CFAP61: variants seen among roughly 807,000 people sequenced by gnomAD.
CFAP61 encodes cilia- and flagella-associated protein 61.
In CFAP61, 107 loss-of-function variants were observed where a neutral mutation model predicts 135.6. The observed-to-expected ratio is 0.79, with a 90% CI of 0.67 to 0.93. CFAP61 has a LOEUF of 0.93. Ranked by LOEUF, CFAP61 falls within the 40% of genes least tolerant of loss-of-function variation. CFAP61 has a pLI of 0.00. For missense variants in CFAP61, 1,507 were observed against 1,556.2 expected (o/e 0.97, Z 0.53); for synonymous variants, 575 against 578.5 (o/e 0.99, Z 0.09).
At chr20:20,264,653 G>A (rs889062570) in intron 21 of CFAP61, among the ~76,000 whole-genome samples, 3 of 152,054 alleles carry the variant, frequency 2.0e-5, no homozygotes, top group African/African-American at 4.8e-5. Flanking sequence ...TCACTCTGGG[G>A]GGCCAAGGTG....
intron 26 of CFAP61, among the ~76,000 whole-genome samples, chr20:20,358,471 G>A (rs1007790857): frequency 1.3e-5 from 2 of 152,176 alleles, no homozygotes; most frequent in African/African-American, 2.4e-5. Flanking sequence ...ATTTTAGTAA[G>A]GTAATTGTTT....
intron 13 of CFAP61, chr20:20,172,000 A>C: frequency 5.1e-6 from 2 of 393,124 alleles, no homozygotes; most frequent in South Asian, 1.0e-4. Context: ...ACCTCTGTTC[A>C]TATTATGTGA....
chr20:20,217,756 A>G (rs1368868716), intron 17 of CFAP61, among the ~76,000 whole-genome samples: 1 of 152,172 alleles, frequency 6.6e-6, no homozygotes, highest in Non-Finnish European at 1.5e-5. Flanking sequence ...TGTGGACACA[A>G]TTGGCCATCA....
intron 25 of CFAP61, among the ~76,000 whole-genome samples, chr20:20,331,028 ACC>A (rs1365409530): frequency 6.6e-6 from 1 of 152,210 alleles, no homozygotes; most frequent in African/African-American, 2.4e-5. Context: ...CTATATAAAT[ACC>A]TTATGTCTCA....
intron 25 of CFAP61, among the ~76,000 whole-genome samples, chr20:20,305,646 C>T (rs910123884): frequency 1.3e-5 from 2 of 152,242 alleles, no homozygotes; most frequent in Admixed American, 1.3e-4. Context: ...TGTAAGGGTT[C>T]CTGCTCCTCT....
At chr20:20,215,562 G>C (rs980062293) in intron 17 of CFAP61, among the ~76,000 whole-genome samples, 1 of 151,944 alleles carries the variant, frequency 6.6e-6, no homozygotes, top group Non-Finnish European at 1.5e-5. Flanking sequence ...TGTTGGTTTT[G>C]ACTTTATGTT....
At chr20:20,143,359 T>A (rs2424271) in intron 9 of CFAP61, among the ~76,000 whole-genome samples, 1 of 152,102 alleles carries the variant, frequency 6.6e-6, no homozygotes, top group South Asian at 2.1e-4. Flanking sequence ...ATGGAAACAC[T>A]TGCCCCATCT....
chr20:20,306,029 C>G (rs550552413), intron 25 of CFAP61, among the ~76,000 whole-genome samples: 12 of 152,294 alleles, frequency 7.9e-5, no homozygotes, highest in African/African-American at 2.6e-4. Flanking sequence ...CAATATGTGT[C>G]TGTTCTTATT....
chr20:20,125,620 CT>C (rs2050007906), intron 8 of CFAP61, among the ~76,000 whole-genome samples: 1 of 151,528 alleles, frequency 6.6e-6, no homozygotes, highest in South Asian at 2.1e-4. Flanking sequence ...TTTATTGAAG[CT>C]TGTTTTATGG....
chr20:20,283,743 C>T (rs1286791862), intron 22 of CFAP61, among the ~76,000 whole-genome samples: 2 of 152,246 alleles, frequency 1.3e-5, no homozygotes, highest in Non-Finnish European at 2.9e-5. Flanking sequence ...CTTGCTGGCC[C>T]AGCCAGGGGC....
chr20:20,236,546 C>T (rs904689426), intron 18 of CFAP61, among the ~76,000 whole-genome samples: 2 of 152,160 alleles, frequency 1.3e-5, no homozygotes, highest in African/African-American at 4.8e-5. Flanking sequence ...TTATTATTAA[C>T]ATTATATAGC....
chr20:20,063,187 A>G (rs1259489372), intron 2 of CFAP61, among the ~76,000 whole-genome samples: 1 of 152,258 alleles, frequency 6.6e-6, no homozygotes, highest in African/African-American at 2.4e-5. Context: ...AATAAATACA[A>G]GTTCTTGGAA....
chr20:20,311,102 TATCTTGAGTGTGGCTGGCTGA>T (rs2056802051), intron 25 of CFAP61, among the ~76,000 whole-genome samples: 1 of 152,210 alleles, frequency 6.6e-6, no homozygotes, highest in Admixed American at 6.5e-5. Flanking sequence ...TGCTACACAG[TATCTTGAGTGTGGCTGGCTGA>T]AACAGTCTAC....
At chr20:20,108,582 A>C (rs1258194027) in intron 8 of CFAP61, among the ~76,000 whole-genome samples, 1 of 152,204 alleles carries the variant, frequency 6.6e-6, no homozygotes, top group East Asian at 1.9e-4. Flanking sequence ...AATAAAACAC[A>C]TGTTATGAAG....
At chr20:20,114,939 T>A (rs2049037313) in intron 8 of CFAP61, among the ~76,000 whole-genome samples, 1 of 152,208 alleles carries the variant, frequency 6.6e-6, no homozygotes, top group African/African-American at 2.4e-5. Flanking sequence ...TTTGTTTTAA[T>A]TGAATTGAAT....
chr20:20,266,679 G>A (rs1297338309), intron 21 of CFAP61, among the ~76,000 whole-genome samples: 7 of 152,130 alleles, frequency 4.6e-5, no homozygotes, highest in Admixed American at 4.6e-4. Context: ...TAACATGCTG[G>A]CTACACAGGA....
intron 25 of CFAP61, among the ~76,000 whole-genome samples, chr20:20,299,826 C>T (rs1391038608): frequency 6.6e-6 from 1 of 152,174 alleles, no homozygotes; most frequent in Non-Finnish European, 1.5e-5. Context: ...AGTTCAGGGC[C>T]ATTACAATCG....
intron 4 of CFAP61, among the ~76,000 whole-genome samples, chr20:20,074,674 T>G (rs1600457530): frequency 1.3e-5 from 2 of 152,318 alleles, no homozygotes; most frequent in South Asian, 4.1e-4. Flanking sequence ...AGCTTGGACA[T>G]TTCTAAAAAC....
intron 13 of CFAP61, among the ~76,000 whole-genome samples, chr20:20,187,622 G>C (rs2146866306): frequency 6.6e-6 from 1 of 152,130 alleles, no homozygotes; most frequent in Admixed American, 6.5e-5. Flanking sequence ...AAATTGGAAG[G>C]ATTTTGACTC....
Sources: allele counts gnomAD v4.1 joint callset (sites outside exome capture counted in the v4.1 genomes callset), GRCh38; gene constraint gnomAD v4.1.1; transcripts MANE v1.5; gene names NCBI Gene and HGNC (gene_info 2026-07-23, HGNC 2026-07-21).